The following AIM2 variants were observed in gnomAD, a reference collection of about 807,000 sequenced individuals.
AIM2 encodes absent in melanoma 2, also known as interferon-inducible protein AIM2.
Under a neutral mutation model 27.7 loss-of-function variants are expected in AIM2, and 30 were observed. That is an observed-to-expected ratio of 1.08 (90% CI 0.81 to 1.47). The LOEUF (loss-of-function observed/expected upper bound fraction) is 1.47. Among genes scored for constraint, AIM2 ranks in the 40% most tolerant of loss-of-function variants. AIM2 has a pLI of 0.00. For missense variants in AIM2, 358 were observed against 411.3 expected (o/e 0.87, Z 1.12); for synonymous variants, 141 against 145.3 (o/e 0.97, Z 0.21).
Position 159,073,415 on chromosome 1 carries a change from GA to G in AIM2, c.84del (p.Leu29PhefsTer20). The G allele has an allele frequency of 6.2e-7, 1 of 1,614,146 alleles. No homozygotes were observed. The highest frequency in any genetic ancestry group is 8.5e-7 in the Non-Finnish European group (1 of 1,180,020). ...GTGGCAATATTAAACTCGTCTGAAA[GA>G]AAGAACTTAAACCTATCCAGTTCCT... The part of the protein sequence containing the change: ...TDEELDRFKF[F>X]LSDEFNIATG... On this transcript the variant is annotated frameshift_variant, in exon 2 of 6. Transcript: ENST00000368130. LOFTEE classifies it high-confidence loss of function.
chr1:159,096,712 G>C (rs1203374046), intron 1 of AIM2, among the ~76,000 whole-genome samples: 1 of 152,054 alleles, frequency 6.6e-6, no homozygotes, highest in Admixed American at 6.5e-5. Context: ...AGTAGACTCA[G>C]AGCTGGGACC....
intron 1 of AIM2, among the ~76,000 whole-genome samples, chr1:159,115,503 A>G (rs1165095861): frequency 2.0e-5 from 3 of 152,336 alleles, no homozygotes; most frequent in African/African-American, 4.8e-5. Flanking sequence ...CCAATGGAAC[A>G]GAACACAGCC....
At chr1:159,142,573 G>A (rs575231013), upstream of AIM2, among the ~76,000 whole-genome samples, 11 of 152,124 alleles carry the variant, frequency 7.2e-5, no homozygotes, top group South Asian at 1.7e-3. Context: ...TTTCCCCAGG[G>A]CTACCTACTT....
intron 1 of AIM2, among the ~76,000 whole-genome samples, chr1:159,137,706 T>C (rs1172060535): frequency 1.3e-5 from 2 of 151,994 alleles, no homozygotes; most frequent in African/African-American, 4.8e-5. Flanking sequence ...GAGCTTAGAG[T>C]CTAACTTGTT....
At chr1:159,060,718 C>G (rs1031893753), downstream of AIM2, among the ~76,000 whole-genome samples, 3 of 151,276 alleles carry the variant, frequency 2.0e-5, no homozygotes, top group Non-Finnish European at 4.4e-5. Flanking sequence ...ATGTGGGTGT[C>G]AGTAGTTATT....
chr1:159,073,872 C>A (rs1369344686), intron 1 of AIM2, among the ~76,000 whole-genome samples: 1 of 152,180 alleles, frequency 6.6e-6, no homozygotes, highest in Non-Finnish European at 1.5e-5. Context: ...AACCCCATCT[C>A]TACTAAAAGT....
intron 1 of AIM2, among the ~76,000 whole-genome samples, chr1:159,075,123 G>T (rs1656543438): frequency 6.6e-6 from 1 of 152,126 alleles, no homozygotes; most frequent in Non-Finnish European, 1.5e-5. Flanking sequence ...AATAAATAGA[G>T]TGTGGAAACA....
At chr1:159,089,854 A>G (rs1175301901) in intron 1 of AIM2, among the ~76,000 whole-genome samples, 2 of 152,126 alleles carry the variant, frequency 1.3e-5, no homozygotes, top group Non-Finnish European at 2.9e-5. Flanking sequence ...TTCAGTAACT[A>G]TTTGTTTTCA....
At chr1:159,114,064 A>G (rs903620999) in intron 1 of AIM2, among the ~76,000 whole-genome samples, 2 of 152,174 alleles carry the variant, frequency 1.3e-5, no homozygotes, top group African/African-American at 2.4e-5. Flanking sequence ...GCCAAAGATT[A>G]TTTTAGGTGT....
At chr1:159,100,147 A>G (rs1433426017) in intron 1 of AIM2, among the ~76,000 whole-genome samples, 1 of 152,206 alleles carries the variant, frequency 6.6e-6, no homozygotes, top group Non-Finnish European at 1.5e-5. Flanking sequence ...TGCCTAGGGT[A>G]TTCCTACTTA....
intron 1 of AIM2, among the ~76,000 whole-genome samples, chr1:159,112,953 T>TATATATATATAA (rs1557909022): frequency 4.6e-5 from 6 of 131,044 alleles, no homozygotes; most frequent in African/African-American, 2.3e-4. Flanking sequence ...ATATATATAA[T>TATATATATATAA]TTTTTTTTTG....
At chr1:159,086,269 C>T (rs570679207) in intron 1 of AIM2, among the ~76,000 whole-genome samples, 40 of 152,288 alleles carry the variant, frequency 2.6e-4, no homozygotes, top group Non-Finnish European at 3.1e-4. Context: ...TTAATAAAAG[C>T]CAGAGAACAG....
At chr1:159,083,900 T>C (rs1273302099) in intron 1 of AIM2, among the ~76,000 whole-genome samples, 2 of 152,186 alleles carry the variant, frequency 1.3e-5, no homozygotes, top group Non-Finnish European at 2.9e-5. Flanking sequence ...GAATAGTCAA[T>C]ATTTATGGAC....
At chr1:159,089,643 A>T (rs1193521651) in intron 1 of AIM2, among the ~76,000 whole-genome samples, 1 of 152,198 alleles carries the variant, frequency 6.6e-6, no homozygotes, top group East Asian at 1.9e-4. Flanking sequence ...CCAAACAAAC[A>T]AACACAGGAT....
chr1:159,057,207 C>T, the AIM2 span, among the ~76,000 whole-genome samples: 1 of 152,112 alleles, frequency 6.6e-6, no homozygotes, highest in African/African-American at 2.4e-5. Context: ...TAGGGGATAC[C>T]CATGTATGCC....
At chr1:159,114,239 GCC>G (rs1647269724) in intron 1 of AIM2, among the ~76,000 whole-genome samples, 1 of 152,182 alleles carries the variant, frequency 6.6e-6, no homozygotes, top group Non-Finnish European at 1.5e-5. Flanking sequence ...TGAGGGACAA[GCC>G]AACAGAATGC....
At chr1:159,076,816 C>T (rs1021296424), upstream of AIM2, 1 of 152,226 alleles carries the variant, frequency 6.6e-6, no homozygotes, top group African/African-American at 2.4e-5. Context: ...ACCCCCAGGC[C>T]CAGTGTGGGT....
chr1:159,097,170 T>C (rs979665576), intron 1 of AIM2, among the ~76,000 whole-genome samples: 1 of 151,928 alleles, frequency 6.6e-6, no homozygotes, highest in Non-Finnish European at 1.5e-5. Context: ...CTCTGAGACC[T>C]GACATTCCTT....
chr1:159,115,609 G>T (rs1279270389), intron 1 of AIM2, among the ~76,000 whole-genome samples: 1 of 152,196 alleles, frequency 6.6e-6, no homozygotes, highest in Non-Finnish European at 1.5e-5. Context: ...AATAAATGGT[G>T]CTGGGAAAAC....
Sources: allele counts gnomAD v4.1 joint callset (sites outside exome capture counted in the v4.1 genomes callset), GRCh38; gene constraint gnomAD v4.1.1; transcripts MANE v1.5; gene names NCBI Gene and HGNC (gene_info 2026-07-23, HGNC 2026-07-21).